Variants in CDH18 observed in about 807,000 individuals in gnomAD.
CDH18 encodes the protein cadherin 18, also known as cadherin-18.
Under a neutral mutation model 67.9 loss-of-function variants are expected in CDH18, and 31 were observed. The ratio of observed to expected loss-of-function variants is 0.46; its 90% CI spans 0.34 to 0.62. The LOEUF is 0.62. Among genes scored for constraint, CDH18 ranks in the 20% least tolerant of loss-of-function variants. The pLI, the probability that CDH18 is intolerant of heterozygous loss-of-function variation, is 0.01. For synonymous variants in CDH18, 362 were observed against 347.2 expected (o/e 1.04, Z -0.48); for missense variants, 890 against 975.5 (o/e 0.91, Z 1.17).
intron 5 of CDH18, among the ~76,000 whole-genome samples, chr5:19,657,413 A>G (rs1267544322): frequency 6.6e-6 from 1 of 152,158 alleles, no homozygotes; most frequent in Non-Finnish European, 1.5e-5. Flanking sequence ...GGTAGAACCA[A>G]CGACTTCAAA....
At chr5:19,647,380 A>T (rs970104025) in intron 5 of CDH18, among the ~76,000 whole-genome samples, 5 of 144,664 alleles carry the variant, frequency 3.5e-5, no homozygotes, top group Non-Finnish European at 7.7e-5. Flanking sequence ...CAAAAAAAAA[A>T]TTAGCTGAGC....
chr5:19,748,129 A>AAAAAAAAAAAAAAAAAAAAAAAC (rs1561215737), intron 3 of CDH18, among the ~76,000 whole-genome samples: 1 of 145,004 alleles, frequency 6.9e-6, no homozygotes, highest in Non-Finnish European at 1.5e-5. Flanking sequence ...AAAAAAAAAA[A>AAAAAAAAAAAAAAAAAAAAAAAC]AAAAGAGTAC....
intron 1 of CDH18, among the ~76,000 whole-genome samples, chr5:20,495,980 T>A (rs1753883113): frequency 6.6e-6 from 1 of 151,952 alleles, no homozygotes; most frequent in Non-Finnish European, 1.5e-5. Context: ...ACAAAATCAG[T>A]TATAAAGAGA....
chr5:19,480,624 A>G (rs1288461297), intron 12 of CDH18, among the ~76,000 whole-genome samples: 1 of 151,932 alleles, frequency 6.6e-6, no homozygotes, highest in Admixed American at 6.6e-5. Context: ...TGATGCGCCC[A>G]CCTCAGCCTC....
intron 1 of CDH18, among the ~76,000 whole-genome samples, chr5:20,524,799 A>G (rs996011256): frequency 7.2e-5 from 11 of 152,146 alleles, no homozygotes; most frequent in Admixed American, 1.3e-4. Flanking sequence ...TGAGGTCTTC[A>G]GTTCATACTC....
intron 7 of CDH18, among the ~76,000 whole-genome samples, chr5:19,575,312 C>T (rs969843242): frequency 6.6e-6 from 1 of 152,180 alleles, no homozygotes; most frequent in Non-Finnish European, 1.5e-5. Context: ...TTCCAACATT[C>T]ACCATGGTGA....
At chr5:20,078,771 AT>A (rs1744185767) in intron 2 of CDH18, among the ~76,000 whole-genome samples, 1 of 151,580 alleles carries the variant, frequency 6.6e-6, no homozygotes, top group Non-Finnish European at 1.5e-5. Flanking sequence ...CCCAGCTAAT[AT>A]ATTTTTTTTG....
At chr5:20,443,308 T>A (rs1379511712) in intron 1 of CDH18, among the ~76,000 whole-genome samples, 1 of 151,750 alleles carries the variant, frequency 6.6e-6, no homozygotes, top group African/African-American at 2.4e-5. Flanking sequence ...ATGTTCTTGC[T>A]TTAAGAGATA....
At chr5:20,281,874 CCT>C (rs1272582893) in intron 1 of CDH18, among the ~76,000 whole-genome samples, 4 of 152,056 alleles carry the variant, frequency 2.6e-5, no homozygotes, top group Admixed American at 6.6e-5. Flanking sequence ...TTGTTTGTAT[CCT>C]CTTTTATTTC....
intron 1 of CDH18, among the ~76,000 whole-genome samples, chr5:20,296,183 T>C (rs1747500985): frequency 6.6e-6 from 1 of 151,428 alleles, no homozygotes; most frequent in Non-Finnish European, 1.5e-5. Flanking sequence ...CGACAAATTT[T>C]CATAATGGAT....
intron 2 of CDH18, among the ~76,000 whole-genome samples, chr5:19,997,042 A>G (rs918301860): frequency 1.3e-5 from 2 of 152,126 alleles, no homozygotes; most frequent in African/African-American, 4.8e-5. Context: ...CATAAATTCC[A>G]TAAGCTATGT....
intron 2 of CDH18, among the ~76,000 whole-genome samples, chr5:20,172,377 C>G (rs1736904762): frequency 6.6e-6 from 1 of 150,486 alleles, no homozygotes; most frequent in Non-Finnish European, 1.5e-5. Flanking sequence ...TTATGCTCTT[C>G]TCATTTGCTT....
intron 1 of CDH18, among the ~76,000 whole-genome samples, chr5:20,461,775 C>A (rs1361837471): frequency 2.0e-5 from 3 of 152,116 alleles, no homozygotes; most frequent in African/African-American, 7.2e-5. Context: ...AGATTTCAAT[C>A]CCTGCTTTTG....
At chr5:19,808,021 C>T (rs1017769319) in intron 3 of CDH18, among the ~76,000 whole-genome samples, 8 of 151,948 alleles carry the variant, frequency 5.3e-5, no homozygotes, top group African/African-American at 1.9e-4. Flanking sequence ...TAGTATTCAA[C>T]CTTTGTCAAA....
chr5:20,383,774 A>G (rs1336696535), intron 1 of CDH18, among the ~76,000 whole-genome samples: 4 of 152,176 alleles, frequency 2.6e-5, no homozygotes, highest in Non-Finnish European at 5.9e-5. Context: ...TATAATTTGT[A>G]ATAAAACATA....
chr5:20,526,494 C>G (rs972243086), intron 1 of CDH18, among the ~76,000 whole-genome samples: 1 of 152,056 alleles, frequency 6.6e-6, no homozygotes, highest in African/African-American at 2.4e-5. Flanking sequence ...CTAGACACCT[C>G]ATATGGGAGA....
chr5:20,537,026 A>G (rs1756764446), intron 1 of CDH18, among the ~76,000 whole-genome samples: 1 of 152,088 alleles, frequency 6.6e-6, no homozygotes, highest in Non-Finnish European at 1.5e-5. Flanking sequence ...TGTCCTGCCT[A>G]TGGTGTCTGC....
At chr5:20,466,452 T>A (rs1329997807) in intron 1 of CDH18, among the ~76,000 whole-genome samples, 1 of 152,084 alleles carries the variant, frequency 6.6e-6, no homozygotes, top group African/African-American at 2.4e-5. Context: ...CTAAATAAAT[T>A]ATGTATTAGA....
intron 5 of CDH18, among the ~76,000 whole-genome samples, chr5:19,679,645 T>C (rs1759990351): frequency 6.6e-6 from 1 of 151,894 alleles, no homozygotes; most frequent in African/African-American, 2.4e-5. Flanking sequence ...TATATATCAA[T>C]TATGTTGAAG....
Sources: allele counts gnomAD v4.1 joint callset (sites outside exome capture counted in the v4.1 genomes callset), GRCh38; gene constraint gnomAD v4.1.1; transcripts MANE v1.5; gene names NCBI Gene and HGNC (gene_info 2026-07-23, HGNC 2026-07-21).